The following CCDC178 variants were observed in gnomAD, a reference collection of about 807,000 sequenced individuals.
CCDC178 encodes coiled-coil domain-containing protein 178.
In CCDC178, 126 loss-of-function variants were observed where a neutral mutation model predicts 117.4. That is an observed-to-expected ratio of 1.07 (90% CI 0.93 to 1.24). The LOEUF is 1.24. CCDC178 is among the 50% of genes most tolerant of loss of function. The probability of loss-of-function intolerance (pLI) is 0.00; values close to 1 mark genes in which losing one functional copy is unlikely to be tolerated. For synonymous variants in CCDC178, 283 were observed against 313.4 expected, an observed-to-expected ratio of 0.90 and a Z score of 1.02; for missense variants, 1,030 against 986.9, an observed-to-expected ratio of 1.04 and a Z score of -0.59.
chr18:33,339,916 C>CT (rs1555688171), intron 9 of CCDC178, among the ~76,000 whole-genome samples: 1 of 151,948 alleles, frequency 6.6e-6, no homozygotes, highest in Non-Finnish European at 1.5e-5. Context: ...TGAAAATGAA[C>CT]TAATACAGTA....
intron 3 of CCDC178, among the ~76,000 whole-genome samples, chr18:33,398,811 G>A (rs2063673321): frequency 1.3e-5 from 2 of 151,996 alleles, no homozygotes; most frequent in African/African-American, 4.8e-5. Flanking sequence ...GCATATAAAA[G>A]TTATATTTTA....
At chr18:33,406,537 C>T (rs940320120) in intron 3 of CCDC178, among the ~76,000 whole-genome samples, 1 of 151,740 alleles carries the variant, frequency 6.6e-6, no homozygotes, top group African/African-American at 2.4e-5. Flanking sequence ...AAAAATCTAC[C>T]AAAAGTAGGT....
intron 21 of CCDC178, among the ~76,000 whole-genome samples, chr18:33,023,355 A>G (rs1174817476): frequency 6.6e-6 from 1 of 152,188 alleles, no homozygotes; most frequent in Non-Finnish European, 1.5e-5. Flanking sequence ...ATTAACAAAT[A>G]TAAAAGAATT....
At chr18:33,103,130 C>CT (rs1416650145) in intron 20 of CCDC178, among the ~76,000 whole-genome samples, 1 of 151,716 alleles carries the variant, frequency 6.6e-6, no homozygotes, top group African/African-American at 2.4e-5. Context: ...TTTAATTGGA[C>CT]TTACACTTCC....
chr18:33,202,421 A>AAAGGATCTAC (rs2059000979), intron 20 of CCDC178, among the ~76,000 whole-genome samples: 2 of 146,172 alleles, frequency 1.4e-5, no homozygotes, highest in Non-Finnish European at 3.0e-5. Flanking sequence ...AAAAAAAAAA[A>AAAGGATCTAC]AAGGATCTAC....
intron 15 of CCDC178, among the ~76,000 whole-genome samples, chr18:33,233,030 A>C (rs1295955653): frequency 6.6e-6 from 1 of 152,182 alleles, no homozygotes; most frequent in Non-Finnish European, 1.5e-5. Flanking sequence ...TTTATTGAGT[A>C]TCTGTATAAG....
rs2059281556 is a variant in CCDC178, at chr18:33,224,770, C to T, written c.1818+5G>A. On this transcript the variant is annotated splice_donor_5th_base_variant and intron_variant, in intron 17 of 22. Transcript: ENST00000383096. ...CATTAATTTTTGGATTAATTAAATG[C>T]TTACAACAGAATGTTCTTTGTCGAG... The T allele has an allele frequency of 1.3e-6, 2 of 1,489,072 alleles. No homozygotes were observed. The highest frequency in any genetic ancestry group is 1.8e-6 in the Non-Finnish European group (2 of 1,114,168). 92.2% of individuals were successfully genotyped at this position (1,489,072 alleles called of 1,614,324 possible).
At chr18:33,047,793 TC>T (rs1181816740) in intron 21 of CCDC178, among the ~76,000 whole-genome samples, 1 of 152,204 alleles carries the variant, frequency 6.6e-6, no homozygotes, top group Non-Finnish European at 1.5e-5. Flanking sequence ...TATTTATAAT[TC>T]TTTTGGAGTG....
chr18:32,959,327 C>A (rs376732216), intron 22 of CCDC178, among the ~76,000 whole-genome samples: 2 of 152,086 alleles, frequency 1.3e-5, no homozygotes, highest in African/African-American at 4.8e-5. Context: ...TGTTTAAGAA[C>A]CTATGAGACT....
At chr18:33,118,442 T>C (rs981534870) in intron 20 of CCDC178, among the ~76,000 whole-genome samples, 2 of 151,946 alleles carry the variant, frequency 1.3e-5, no homozygotes, top group African/African-American at 4.8e-5. Flanking sequence ...AAGTTTTGCT[T>C]CCCATTCTCA....
chr18:33,417,698 T>C (rs1357755651), intron 2 of CCDC178, among the ~76,000 whole-genome samples: 1 of 152,140 alleles, frequency 6.6e-6, no homozygotes, highest in Non-Finnish European at 1.5e-5. Flanking sequence ...GAACTGATAG[T>C]TGAAGGGAGC....
chr18:33,356,730 C>T (rs2063062748), intron 6 of CCDC178, among the ~76,000 whole-genome samples: 1 of 152,090 alleles, frequency 6.6e-6, no homozygotes, highest in African/African-American at 2.4e-5. Context: ...TACCAAATTC[C>T]CACCTGATTC....
At chr18:33,092,235 C>T (rs2057477392) in intron 21 of CCDC178, among the ~76,000 whole-genome samples, 1 of 152,012 alleles carries the variant, frequency 6.6e-6, no homozygotes, top group African/African-American at 2.4e-5. Context: ...TGATTCATAG[C>T]ATATTGTGTG....
chr18:33,337,574 A>G (rs1157168715), intron 9 of CCDC178, among the ~76,000 whole-genome samples: 2 of 152,124 alleles, frequency 1.3e-5, no homozygotes, highest in East Asian at 1.9e-4. Flanking sequence ...ACGTAGACCA[A>G]TGGAACAGAA....
intron 21 of CCDC178, among the ~76,000 whole-genome samples, chr18:33,048,802 A>G (rs534027371): frequency 1.8e-4 from 28 of 152,286 alleles, no homozygotes; most frequent in African/African-American, 6.7e-4. Context: ...AAAATAACAT[A>G]TTACAATTTC....
chr18:33,167,493 T>G (rs1270022607), intron 20 of CCDC178, among the ~76,000 whole-genome samples: 1 of 152,168 alleles, frequency 6.6e-6, no homozygotes, highest in Non-Finnish European at 1.5e-5. Flanking sequence ...TGGTTTTGAT[T>G]TACATTTCTC....
At chr18:33,318,873 A>T (rs1266229361) in intron 11 of CCDC178, among the ~76,000 whole-genome samples, 1 of 152,120 alleles carries the variant, frequency 6.6e-6, no homozygotes, top group Non-Finnish European at 1.5e-5. Context: ...TTAATAGATT[A>T]TGAAATGTTA....
At chr18:33,381,407 C>T (rs966061989) in intron 5 of CCDC178, among the ~76,000 whole-genome samples, 9 of 152,012 alleles carry the variant, frequency 5.9e-5, no homozygotes, top group Non-Finnish European at 1.0e-4. Flanking sequence ...AACCAGAGAC[C>T]GAGAAATGAA....
chr18:33,011,783 A>T (rs1232878163), intron 21 of CCDC178, among the ~76,000 whole-genome samples: 1,137 of 113,566 alleles, frequency 0.01, 14 homozygotes, highest in African/African-American at 0.018. Flanking sequence ...AAAAAAAAAA[A>T]AAAAAAAAAA....
Sources: gnomAD v4.1 joint callset for allele counts (sites outside exome capture counted in the v4.1 genomes callset) on GRCh38, gnomAD v4.1.1 for gene constraint, MANE v1.5 for transcripts, NCBI Gene and HGNC (gene_info 2026-07-23, HGNC 2026-07-21) for gene names.